Variants in C4orf17 observed in about 807,000 individuals in gnomAD.
C4orf17 encodes uncharacterized protein C4orf17.
In C4orf17, 25 loss-of-function variants were observed where a neutral mutation model predicts 32.0. The ratio of observed to expected loss-of-function variants is 0.78; its 90% CI spans 0.57 to 1.09. The LOEUF (loss-of-function observed/expected upper bound fraction) is 1.09, where lower values mean the gene tolerates loss of function less well. C4orf17 is among the 50% of genes least tolerant of loss of function. The pLI, the probability that C4orf17 is intolerant of heterozygous loss-of-function variation, is 0.00. For missense variants in C4orf17, 420 were observed against 420.0 expected (o/e 1.00, Z 0.00); for synonymous variants, 149 against 145.8 (o/e 1.02, Z -0.16).
At chr4:99,514,943 T>C (rs540580994) in intron 2 of C4orf17, among the ~76,000 whole-genome samples, 1 of 152,144 alleles carries the variant, frequency 6.6e-6, no homozygotes, top group Non-Finnish European at 1.5e-5. Flanking sequence ...TGAAATAATG[T>C]CTTTTGCAGC....
chr4:99,530,054 C>T, intron 5 of C4orf17, 96 bp downstream of exon 5: 2 of 920,246 alleles, frequency 2.2e-6, no homozygotes, highest in Non-Finnish European at 3.2e-6. Context: ...TAAATGATTC[C>T]TTACTGATAA....
intron 2 of C4orf17, among the ~76,000 whole-genome samples, chr4:99,513,426 T>C (rs1723128684): frequency 6.6e-6 from 1 of 152,138 alleles, no homozygotes; most frequent in Admixed American, 6.6e-5. Context: ...ACAGTAACCC[T>C]TAAATTGCTT....
intron 1 of C4orf17, among the ~76,000 whole-genome samples, chr4:99,512,132 T>C (rs943852817): frequency 6.6e-6 from 1 of 152,212 alleles, no homozygotes; most frequent in Non-Finnish European, 1.5e-5. Flanking sequence ...CACTGCAAAT[T>C]ATTCTAACCC....
intron 5 of C4orf17, among the ~76,000 whole-genome samples, chr4:99,531,573 C>T (rs1164871158): frequency 1.3e-5 from 2 of 152,078 alleles, no homozygotes; most frequent in East Asian, 1.9e-4. Context: ...CACTGGACAT[C>T]GGTTGATATA....
intron 1 of C4orf17, among the ~76,000 whole-genome samples, 154 bp downstream of exon 1, chr4:99,511,426 T>G (rs112790221): frequency 6.6e-6 from 1 of 151,980 alleles, no homozygotes; most frequent in Non-Finnish European, 1.5e-5. Context: ...TTGTTGACTT[T>G]TTTTTTTTCA....
intron 4 of C4orf17, among the ~76,000 whole-genome samples, chr4:99,526,125 T>C (rs1723384527): frequency 1.3e-5 from 2 of 152,188 alleles, no homozygotes; most frequent in Admixed American, 1.3e-4. Flanking sequence ...AATATTATGT[T>C]CATATTAGTG....
intron 5 of C4orf17, among the ~76,000 whole-genome samples, chr4:99,535,168 G>GT (rs1399978286): frequency 6.6e-6 from 1 of 151,990 alleles, no homozygotes; most frequent in African/African-American, 2.4e-5. Flanking sequence ...TGCCCTTAAT[G>GT]TTTTTTCTTC....
chr4:99,537,871 C>A (rs10516443), intron 6 of C4orf17, 121 bp downstream of exon 6: 5 of 746,104 alleles, frequency 6.7e-6, no homozygotes, highest in East Asian at 2.6e-5. Flanking sequence ...ATATTATTTC[C>A]GCAATGTTTC....
In C4orf17 at chr4:99,541,996, C is replaced by T; in HGVS notation, c.967C>T (p.Pro323Ser). The T allele has an allele frequency of 6.2e-7, 1 of 1,613,852 alleles. No homozygotes were observed. The highest frequency in any genetic ancestry group is 2.2e-5 in the East Asian group (1 of 44,858). Residue 323 changes from proline (P) to serine (S), a missense_variant, in exon 9 of 9, where the codon CCC (proline) becomes TCC (serine). Pro to Ser is a moderately conservative substitution (Grantham distance 74). Transcript: ENST00000326581. ...AEYFSKPNSP[P>S]RPNTQESGSA... ...ATATTTCAGCAAACCAAATTCTCCTCCCAGGCCTAACACTCAGGAGAGTGG... is the reference window on the plus strand; with the variant it reads ...ATATTTCAGCAAACCAAATTCTCCTTCCAGGCCTAACACTCAGGAGAGTGG...
At chr4:99,523,976 CTTT>C (rs34303512) in intron 3 of C4orf17, among the ~76,000 whole-genome samples, 34 of 114,084 alleles carry the variant, frequency 3.0e-4, no homozygotes, top group East Asian at 1.2e-3. Flanking sequence ...AAAATATATA[CTTT>C]TTTTTTTTTT....
chr4:99,516,698 T>C (rs532555946), intron 2 of C4orf17, among the ~76,000 whole-genome samples: 1 of 152,144 alleles, frequency 6.6e-6, no homozygotes, highest in Admixed American at 6.5e-5. Flanking sequence ...TTATGGGGCA[T>C]GTGGGGAGGA....
At chr4:99,541,743 G>T (rs1193163659) in intron 8 of C4orf17, 167 bp from the exon 9 acceptor site, 1 of 598,678 alleles carries the variant, frequency 1.7e-6, no homozygotes. Context: ...AGATGAGCAT[G>T]TGGTGGAAAA....
At chr4:99,532,413 T>C (rs1723491227) in intron 5 of C4orf17, among the ~76,000 whole-genome samples, 1 of 152,140 alleles carries the variant, frequency 6.6e-6, no homozygotes, top group Non-Finnish European at 1.5e-5. Context: ...TGGATGCAGC[T>C]AGAGGGCATT....
At position 99,522,717 on chromosome 4, in the gene C4orf17, G is replaced by A. The variant is rs1723314706; in HGVS notation, c.337+8G>A. On this transcript the variant is annotated splice_region_variant and intron_variant, in intron 3 of 8. Transcript: ENST00000326581. ...CTCCACGGCCTCATTCTGGTGAGTT[G>A]AGTTAGAACTGATGAAATGTTTCCT... 6.2e-7 allele frequency: 1 copy of A among 1,607,942 alleles called. No homozygotes were observed. The highest frequency in any genetic ancestry group is 2.2e-5 in the East Asian group (1 of 44,842).
In C4orf17 at chr4:99,537,706, C is replaced by A; in HGVS notation, c.584C>A (p.Ser195Tyr). The A allele has an allele frequency of 1.2e-6, 2 of 1,612,894 alleles. No homozygotes were observed. The highest frequency in any genetic ancestry group is 1.7e-6 in the Non-Finnish European group (2 of 1,179,886). Residue 195 changes from serine to tyrosine, a missense_variant, in exon 6 of 9, where the codon TCT becomes TAT. Ser to Tyr is a moderately radical substitution (Grantham distance 144). Coordinates refer to ENST00000326581, the MANE Select transcript of C4orf17 (RefSeq NM_032149.3). The stretch of plus-strand genomic sequence containing the variant: ...CTCTGTAGCATTTTGCATACTGATT[C>A]TCTGGCAGAAGTTTTACAGTGGCTG... ...AKLCSILHTDSLAEVLQWLLH... is the reference protein window; with the variant it reads ...AKLCSILHTDYLAEVLQWLLH...
At chr4:99,532,488 C>A (rs768872459) in intron 5 of C4orf17, among the ~76,000 whole-genome samples, 9 of 151,852 alleles carry the variant, frequency 5.9e-5, no homozygotes, top group Non-Finnish European at 8.8e-5. Context: ...GTAAATGGGA[C>A]CTAAACACTG....
intron 4 of C4orf17, among the ~76,000 whole-genome samples, chr4:99,527,262 CTT>C (rs1324704665): frequency 1.3e-5 from 2 of 152,116 alleles, no homozygotes; most frequent in African/African-American, 4.8e-5. Flanking sequence ...AGAGAACACA[CTT>C]TGTATACTTT....
chr4:99,517,379 G>T (rs1723206061), intron 2 of C4orf17, among the ~76,000 whole-genome samples: 1 of 152,144 alleles, frequency 6.6e-6, no homozygotes. Context: ...GGGCTGCAGA[G>T]TGGTAGATAA....
intron 2 of C4orf17, among the ~76,000 whole-genome samples, chr4:99,517,640 C>T (rs1677922611): frequency 6.6e-6 from 1 of 151,982 alleles, no homozygotes; most frequent in Non-Finnish European, 1.5e-5. Context: ...TCTGTGCCTT[C>T]TCCTTCCTAG....
Sources: gnomAD v4.1 joint callset for allele counts (sites outside exome capture counted in the v4.1 genomes callset) on GRCh38, gnomAD v4.1.1 for gene constraint, MANE v1.5 for transcripts, NCBI Gene and HGNC (gene_info 2026-07-23, HGNC 2026-07-21) for gene names.